TPRG1: variants seen among roughly 807,000 people sequenced by gnomAD.
TPRG1 encodes tumor protein p63 regulated 1, also known as tumor protein p63-regulated gene 1 protein.
TPRG1 carries 29 observed loss-of-function variants against 29.3 expected under a neutral mutation model. The observed-to-expected ratio is 0.99, with a 90% CI of 0.74 to 1.35. The LOEUF is 1.35. Among genes scored for constraint, TPRG1 ranks in the 40% most tolerant of loss-of-function variants. The pLI is 0.00. For missense variants in TPRG1, 327 were observed against 335.0 expected (o/e 0.98, Z 0.19); for synonymous variants, 130 against 116.8 (o/e 1.11, Z -0.73).
intron 4 of TPRG1, among the ~76,000 whole-genome samples, chr3:189,265,615 A>G (rs1262270198): frequency 6.6e-6 from 1 of 152,200 alleles, no homozygotes; most frequent in African/African-American, 2.4e-5. Flanking sequence ...AAGTCTGTCC[A>G]TTTGACTAAG....
intron 4 of TPRG1, among the ~76,000 whole-genome samples, chr3:189,047,927 C>A (rs999650356): frequency 6.6e-6 from 1 of 152,134 alleles, no homozygotes; most frequent in Admixed American, 6.5e-5. Context: ...AGTCTGGAAC[C>A]CCTCAGTTAT....
rs1371093030 is a variant in TPRG1 at position 189,320,843 on chromosome 3, A to G, written c.*23A>G. The G allele has an allele frequency of 6.6e-7, 1 of 1,523,006 alleles. No homozygotes were observed. The highest frequency in any genetic ancestry group is 8.8e-7 in the Non-Finnish European group (1 of 1,133,064). 94.3% of individuals were successfully genotyped at this position (1,523,006 alleles called of 1,614,324 possible). The stretch of plus-strand genomic sequence containing the variant: ...TGAGAGTCTTTTTGGTACCATAAGC[A>G]TATCATCCACAGATATGTCACTTTG... On this transcript the variant is annotated 3_prime_UTR_variant, in exon 6 of 6. Coordinates refer to ENST00000345063, the MANE Select transcript of TPRG1 (RefSeq NM_198485.4).
rs180689897 is a variant in TPRG1, at chr3:189,323,729, C to A, written c.*2909C>A. 1 of 152,210 alleles carries A rather than the reference C, an allele frequency of 6.6e-6. No homozygotes were observed. The highest frequency in any genetic ancestry group is 2.4e-5 in the African/African-American group (1 of 41,548). The allele number at this position is 152,210 out of a possible 1,614,324, so 9.4% of individuals were successfully genotyped here. The stretch of plus-strand genomic sequence containing the variant: ...ATTTGAACTTACCACTACAGTTTAG[C>A]AAATGGCATGATGAGTTTGATTGAT... On this transcript the variant is annotated 3_prime_UTR_variant, in exon 6 of 6. Transcript: ENST00000345063.
At chr3:189,149,145 C>A (rs928593761) in intron 4 of TPRG1, among the ~76,000 whole-genome samples, 2 of 152,148 alleles carry the variant, frequency 1.3e-5, no homozygotes, top group African/African-American at 2.4e-5. Context: ...AATAAATTAA[C>A]GTTCCCAAAC....
intron 3 of TPRG1, among the ~76,000 whole-genome samples, chr3:189,010,158 TG>T (rs1712519846): frequency 6.6e-6 from 1 of 152,180 alleles, no homozygotes; most frequent in Non-Finnish European, 1.5e-5. Flanking sequence ...AATTCCATGG[TG>T]TATATGTACC....
chr3:189,262,569 A>G (rs937740936), intron 4 of TPRG1, among the ~76,000 whole-genome samples: 28 of 152,336 alleles, frequency 1.8e-4, no homozygotes, highest in African/African-American at 6.5e-4. Flanking sequence ...GCAGACAGTC[A>G]TGAAATAATC....
intron 3 of TPRG1, among the ~76,000 whole-genome samples, chr3:189,140,351 T>A (rs1724378939): frequency 6.6e-6 from 1 of 152,186 alleles, no homozygotes; most frequent in Non-Finnish European, 1.5e-5. Flanking sequence ...ATTCCGAAGC[T>A]TTGTGTGCCT....
At chr3:189,117,950 C>T (rs972870984) in intron 1 of TPRG1, among the ~76,000 whole-genome samples, 3 of 152,040 alleles carry the variant, frequency 2.0e-5, no homozygotes, top group Non-Finnish European at 4.4e-5. Flanking sequence ...TACCCGAAAA[C>T]GTGGAAGTGA....
chr3:189,238,240 G>A (rs945631693), intron 3 of TPRG1, among the ~76,000 whole-genome samples: 1 of 152,220 alleles, frequency 6.6e-6, no homozygotes, highest in African/African-American at 2.4e-5. Context: ...GGAAGACAGC[G>A]GACCTGTGTT....
chr3:189,081,364 C>T (rs1041258621), intron 4 of TPRG1, among the ~76,000 whole-genome samples: 1 of 151,792 alleles, frequency 6.6e-6, no homozygotes, highest in Non-Finnish European at 1.5e-5. Flanking sequence ...TGAAAGGGAC[C>T]GAGGAGCAGT....
At chr3:189,122,107 A>T (rs1439622593) in intron 1 of TPRG1, among the ~76,000 whole-genome samples, 1 of 152,130 alleles carries the variant, frequency 6.6e-6, no homozygotes, top group Non-Finnish European at 1.5e-5. Flanking sequence ...CACATGAAGT[A>T]CTAGTAGCTT....
intron 4 of TPRG1, among the ~76,000 whole-genome samples, chr3:189,044,576 C>T (rs1286719134): frequency 6.7e-6 from 1 of 150,150 alleles, no homozygotes; most frequent in Non-Finnish European, 1.5e-5. Flanking sequence ...AAAAAGTGAG[C>T]TGAGCTTTGA....
At position 189,004,054 on chromosome 3, in the gene TPRG1, T is replaced by A. The variant is rs529823034; in HGVS notation, c.-877-489T>A. On this transcript the variant is annotated intron_variant, in intron 2 of 10. Transcript: ENST00000433971. ...TATAAGTGAATCCGACAGAGAAAAC[T>A]GATGCTGCTGAAGGGCCAAAAAAGA... 4.6e-5 allele frequency among the ~76,000 whole-genome samples: 7 copies of A among 152,262 alleles called. No individual in the cohort carries two copies. The East Asian group carries it at 1.4e-3, about 29-fold the overall frequency.
At chr3:189,262,252 G>A (rs1375012729) in intron 4 of TPRG1, among the ~76,000 whole-genome samples, 3 of 149,054 alleles carry the variant, frequency 2.0e-5, no homozygotes, top group Non-Finnish European at 4.6e-5. Context: ...ATAAGTATAA[G>A]TATAAGACTT....
At chr3:189,282,215 C>A (rs1280203645) in intron 4 of TPRG1, among the ~76,000 whole-genome samples, 138 of 94,612 alleles carry the variant, frequency 1.5e-3, no homozygotes, top group South Asian at 2.0e-3. Flanking sequence ...TAGTCCTTTC[C>A]AAAAAAAAAA....
intron 3 of TPRG1, among the ~76,000 whole-genome samples, chr3:189,022,505 T>C (rs549213843): frequency 1.2e-4 from 18 of 151,686 alleles, no homozygotes; most frequent in South Asian, 1.0e-3. Flanking sequence ...GAGGTGTCAG[T>C]GTGCCCCTGC....
upstream of TPRG1, among the ~76,000 whole-genome samples, chr3:189,096,398 G>A (rs1718682216): frequency 6.6e-6 from 1 of 152,172 alleles, no homozygotes; most frequent in Non-Finnish European, 1.5e-5. Context: ...CTCCTCTGCT[G>A]TGGCATGCCT....
intron 3 of TPRG1, among the ~76,000 whole-genome samples, chr3:189,006,485 T>C (rs1712292291): frequency 6.6e-6 from 1 of 152,108 alleles, no homozygotes; most frequent in Non-Finnish European, 1.5e-5. Context: ...ATATAGGCTT[T>C]TGGGGAGCAG....
chr3:189,096,557 A>T (rs1199332332), upstream of TPRG1, among the ~76,000 whole-genome samples: 1 of 152,144 alleles, frequency 6.6e-6, no homozygotes, highest in African/African-American at 2.4e-5. Flanking sequence ...GTGCTCAAAC[A>T]TTTTGGCTTC....
Sources: gnomAD v4.1 joint callset for allele counts (sites outside exome capture counted in the v4.1 genomes callset) on GRCh38, gnomAD v4.1.1 for gene constraint, MANE v1.5 for transcripts, NCBI Gene and HGNC (gene_info 2026-07-23, HGNC 2026-07-21) for gene names.